The following UBR1 variants were observed in gnomAD, a reference collection of about 807,000 sequenced individuals.
UBR1 encodes ubiquitin protein ligase E3 component n-recognin 1.
In UBR1, 102 loss-of-function variants were observed where a neutral mutation model predicts 242.1. That is an observed-to-expected ratio of 0.42 (90% confidence interval 0.36 to 0.50). The LOEUF (loss-of-function observed/expected upper bound fraction) is 0.50, where lower values mean the gene tolerates loss of function less well. Ranked by LOEUF, UBR1 falls within the 20% of genes least tolerant of loss-of-function variation. The pLI is 0.01. For synonymous variants in UBR1, 675 were observed against 684.8 expected, an observed-to-expected ratio of 0.99 and a Z score of 0.22; for missense variants, 1,772 against 2,101.8, an observed-to-expected ratio of 0.84 and a Z score of 3.07.
At chr15:43,070,692 T>C in intron 5 of UBR1, 103 bp downstream of exon 5, 1 of 1,521,690 alleles carries the variant, frequency 6.6e-7, no homozygotes, top group Non-Finnish European at 9.0e-7. Context: ...GAATTTTTCA[T>C]AATGATAATT....
chr15:43,079,197 T>G (rs767569265), intron 3 of UBR1, among the ~76,000 whole-genome samples: 1 of 152,144 alleles, frequency 6.6e-6, no homozygotes, highest in Non-Finnish European at 1.5e-5. Context: ...CCAGGCACAG[T>G]GGCTCATGCC....
Position 43,058,407 on chromosome 15 carries a change from T to C in UBR1, c.1116A>G (p.Glu372=), listed in dbSNP as rs2033643617. The change falls in exon 10 of 47, where the codon GAA becomes GAG. Residue 372 remains glutamate (E), a synonymous_variant. Coordinates refer to ENST00000290650, the MANE Select transcript of UBR1 (RefSeq NM_174916.3). ...LYKGARKILH[E]LIFSSFFMEM... ...CCATAAAAAAACTGCTGAAGATCAATTCATGAAGGATCTTACGGGCACCTA... is the reference window on the plus strand; with the variant it reads ...CCATAAAAAAACTGCTGAAGATCAACTCATGAAGGATCTTACGGGCACCTA... 1 of 1,611,438 alleles carries C rather than the reference T, an allele frequency of 6.2e-7. No individual in the cohort carries two copies. Among genetic ancestry groups the C allele is most frequent in the Non-Finnish European group, 8.5e-7 (1 of 1,178,788 alleles).
chr15:42,972,138 G>C (rs530134022), intron 39 of UBR1, among the ~76,000 whole-genome samples: 96 of 152,256 alleles, frequency 6.3e-4, no homozygotes, highest in African/African-American at 2.2e-3. Flanking sequence ...TTTCATAACA[G>C]TTTCACTGCC....
intron 23 of UBR1, chr15:43,025,702 T>C (rs1480817825): frequency 2.7e-6 from 1 of 376,858 alleles, no homozygotes; most frequent in African/African-American, 2.0e-5. Context: ...TACTATGCTA[T>C]GGGCTGTAAA....
At chr15:43,098,478 T>C (rs548787558) in intron 1 of UBR1, among the ~76,000 whole-genome samples, 1 of 152,280 alleles carries the variant, frequency 6.6e-6, no homozygotes, top group South Asian at 2.1e-4. Context: ...AGCACAATAA[T>C]AAAGCTCAAT....
At chr15:42,961,809 C>G (rs2032025195) in intron 42 of UBR1, among the ~76,000 whole-genome samples, 1 of 151,558 alleles carries the variant, frequency 6.6e-6, no homozygotes, top group Non-Finnish European at 1.5e-5. Context: ...GAGTGGAGTC[C>G]AATGGTGTGG....
chr15:43,015,854 C>G lies in UBR1; in HGVS notation c.3043G>C (p.Glu1015Gln), dbSNP rs769779282. 6.2e-7 allele frequency: 1 copy of G among 1,613,914 alleles called. No individual in the cohort carries two copies. Among genetic ancestry groups the G allele is most frequent in the Non-Finnish European group, 8.5e-7 (1 of 1,179,964 alleles). ...IKNDEITHDK[E>Q]KAERKRKAEA... ...GCTTTTCTTTTTCGTTCTGCTTTTT[C>G]TTTATCATGAGTAATCTGGGTATTA... Residue 1015 changes from glutamate (E) to glutamine (Q), a missense_variant, in exon 29 of 47, where the codon GAA becomes CAA. Around this residue, in one of 3 missense-constraint regions of UBR1, gnomAD observed 965 missense variants for 1,079.7 expected, o/e 0.89. Coordinates refer to ENST00000290650, the MANE Select transcript of UBR1 (RefSeq NM_174916.3).
chr15:43,095,996 G>C (rs2034154750), intron 1 of UBR1, among the ~76,000 whole-genome samples: 1 of 152,158 alleles, frequency 6.6e-6, no homozygotes, highest in Non-Finnish European at 1.5e-5. Context: ...GAGTGCAATA[G>C]TATGAAGTCT....
chr15:43,075,492 GGTTA>G (rs1329664505), intron 3 of UBR1, among the ~76,000 whole-genome samples: 3 of 151,922 alleles, frequency 2.0e-5, no homozygotes, highest in Non-Finnish European at 4.4e-5. Flanking sequence ...ACATTGTGCA[GGTTA>G]GTTACATACG....
At chr15:43,085,762 T>A (rs1292551745) in intron 2 of UBR1, among the ~76,000 whole-genome samples, 1 of 151,736 alleles carries the variant, frequency 6.6e-6, no homozygotes, top group Non-Finnish European at 1.5e-5. Flanking sequence ...CGGGTGCCTG[T>A]AATCCCAGCC....
chr15:43,020,412 C>T (rs11070386), intron 27 of UBR1, among the ~76,000 whole-genome samples: 121,693 of 152,126 alleles, frequency 0.8, 49,791 homozygotes, highest in Non-Finnish European at 0.89. Flanking sequence ...TATCTTCATA[C>T]ACCTTCGACA....
chr15:42,961,220 C>A (rs1201345864), intron 42 of UBR1, among the ~76,000 whole-genome samples: 1 of 148,334 alleles, frequency 6.7e-6, no homozygotes, highest in South Asian at 2.2e-4. Context: ...TCCAGTGATT[C>A]TCCTGCCTCA....
At position 43,069,126 on chromosome 15, in the gene UBR1, C is replaced by T. The variant is rs188125846; in HGVS notation, c.660-1090G>A. ...AGCGCCAGCACTGCCATTTTGGCAACAGGACCTTAAGACAGCTCACCTAAT... is the reference window on the plus strand; with the variant it reads ...AGCGCCAGCACTGCCATTTTGGCAATAGGACCTTAAGACAGCTCACCTAAT... On this transcript the variant is annotated intron_variant, in intron 5 of 46. Coordinates refer to ENST00000290650, the MANE Select transcript of UBR1 (RefSeq NM_174916.3). Among the ~76,000 whole-genome samples the T allele has an allele frequency of 1.1e-3, 161 of 152,292 alleles. 2 individuals are homozygous for T. The highest frequency in any genetic ancestry group is 0.01 in the Admixed American group (153 of 15,298).
At chr15:42,972,424 A>T (rs540064789) in intron 39 of UBR1, among the ~76,000 whole-genome samples, 89 of 151,928 alleles carry the variant, frequency 5.9e-4, no homozygotes, top group Non-Finnish European at 1.1e-3. Flanking sequence ...ACTGGAGTGT[A>T]GTGGTGCAGT....
At chr15:43,036,322 G>C (rs774058819) in intron 18 of UBR1, 43 bp from the exon 19 acceptor site, 1 of 1,550,660 alleles carries the variant, frequency 6.4e-7, no homozygotes, top group East Asian at 2.3e-5. Context: ...GTATTATATG[G>C]AGAAACATTT....
chr15:43,020,421 C>A (rs1730499671), intron 27 of UBR1, among the ~76,000 whole-genome samples: 1 of 152,220 alleles, frequency 6.6e-6, no homozygotes, highest in Non-Finnish European at 1.5e-5. Context: ...ACACCTTCGA[C>A]ATGCACCTTA....
chr15:43,022,511 A>G (rs2033123247), intron 26 of UBR1, among the ~76,000 whole-genome samples, 191 bp downstream of exon 26: 2 of 152,108 alleles, frequency 1.3e-5, no homozygotes, highest in Admixed American at 6.6e-5. Flanking sequence ...TAAAAAATAT[A>G]TTAGTATACT....
intron 6 of UBR1, among the ~76,000 whole-genome samples, chr15:43,062,339 A>G (rs2033698979): frequency 6.6e-6 from 1 of 152,176 alleles, no homozygotes. Flanking sequence ...ATGTGTATAT[A>G]TATATACAAA....
intron 3 of UBR1, among the ~76,000 whole-genome samples, chr15:43,076,577 G>A (rs2033898954): frequency 1.3e-5 from 2 of 150,316 alleles, no homozygotes; most frequent in Middle Eastern, 3.5e-3. Context: ...GATGTGAGGA[G>A]CGCCTCTGCT....
Sources: gnomAD v4.1 joint callset for allele counts (sites outside exome capture counted in the v4.1 genomes callset) on GRCh38, gnomAD v4.1.1 for gene constraint, gnomAD v4.1.1 regional missense constraint, MANE v1.5 for transcripts, NCBI Gene and HGNC (gene_info 2026-07-23, HGNC 2026-07-21) for gene names.